The following SORCS2 variants were observed in gnomAD, a reference collection of about 807,000 sequenced individuals.
SORCS2 encodes VPS10 domain-containing receptor SorCS2.
SORCS2 carries 100 observed loss-of-function variants against 141.6 expected under a neutral mutation model. That is an observed-to-expected ratio of 0.71 (90% CI 0.60 to 0.83). The LOEUF (loss-of-function observed/expected upper bound fraction) is 0.83. SORCS2 is among the 40% of genes least tolerant of loss of function. The probability of loss-of-function intolerance (pLI) is 0.00; values close to 1 mark genes in which losing one functional copy is unlikely to be tolerated. For synonymous variants in SORCS2, 789 were observed against 676.9 expected, an observed-to-expected ratio of 1.17 and a Z score of -2.57; for missense variants, 1,646 against 1,560.2, an observed-to-expected ratio of 1.05 and a Z score of -0.93.
chr4:7,692,161 A>C (rs1724299169), intron 11 of SORCS2, among the ~76,000 whole-genome samples: 1 of 152,210 alleles, frequency 6.6e-6, no homozygotes. Flanking sequence ...TGCTGGGAGC[A>C]GGAGGAAAAG....
rs918137103 is a variant in SORCS2 at position 7,365,954 on chromosome 4, C to T, written c.481-30334C>T. 8.5e-5 allele frequency among the ~76,000 whole-genome samples: 13 copies of T among 152,206 alleles called. No individual in the cohort carries two copies. The South Asian group carries it at 1.2e-3, about 15-fold the overall frequency. ...GAAAACAAAACAGCACCCAGCAAAA[C>T]GAGCCCGGGAAGACAGTCAGTATGG... On this transcript the variant is annotated intron_variant, in intron 1 of 26. Transcript: ENST00000507866.
intron 1 of SORCS2, among the ~76,000 whole-genome samples, chr4:7,329,488 G>A (rs901960290): frequency 6.6e-6 from 1 of 152,202 alleles, no homozygotes; most frequent in East Asian, 1.9e-4. Flanking sequence ...GATGCTGGAC[G>A]TGGCCCCTAC....
intron 9 of SORCS2, among the ~76,000 whole-genome samples, chr4:7,680,850 T>G (rs965664443): frequency 6.6e-6 from 1 of 152,094 alleles, no homozygotes; most frequent in African/African-American, 2.4e-5. Context: ...GAGGGTAACC[T>G]AAACAAGCCA....
intron 2 of SORCS2, among the ~76,000 whole-genome samples, chr4:7,403,225 G>A (rs1026358430): frequency 7.2e-5 from 11 of 152,124 alleles, no homozygotes. Context: ...GGTTACTTTG[G>A]CCAAGGCTTG....
intron 1 of SORCS2, among the ~76,000 whole-genome samples, chr4:7,338,808 G>T (rs1720184908): frequency 6.6e-6 from 1 of 152,320 alleles, no homozygotes; most frequent in Admixed American, 6.5e-5. Flanking sequence ...TTCCATAATT[G>T]TTATAATTCC....
chr4:7,383,586 C>T (rs1304773924), intron 1 of SORCS2, among the ~76,000 whole-genome samples: 4 of 152,164 alleles, frequency 2.6e-5, no homozygotes, highest in South Asian at 4.1e-4. Context: ...ACCCACCTCC[C>T]GGAGATACCC....
chr4:7,521,268 A>C lies in SORCS2; in HGVS notation c.549-10262A>C, dbSNP rs1299072007. Among the ~76,000 whole-genome samples the C allele has an allele frequency of 3.3e-5, 5 of 152,098 alleles. No homozygotes were observed. The East Asian group carries it at 9.6e-4, about 29-fold the overall frequency. ...CTGTATCTCTGTGGGTCGTGGGTTC[A>C]GATCCTGCTGCCTTCGCTGCTGCGT... is the stretch of plus-strand genomic sequence containing the variant. On this transcript the variant is annotated intron_variant, in intron 2 of 26. Transcript: ENST00000507866.
At chr4:7,267,067 C>T (rs1714785921) in intron 1 of SORCS2, among the ~76,000 whole-genome samples, 1 of 152,040 alleles carries the variant, frequency 6.6e-6, no homozygotes, top group African/African-American at 2.4e-5. Context: ...CGCTGCAGCC[C>T]CCACAAAGCA....
At chr4:7,704,863 C>G (rs115086231) in intron 14 of SORCS2, among the ~76,000 whole-genome samples, 2 of 152,172 alleles carry the variant, frequency 1.3e-5, no homozygotes, top group South Asian at 2.1e-4. Context: ...TGGGTGCCCT[C>G]GAACATGGGC....
intron 17 of SORCS2, 25 bp from the exon 18 acceptor site, chr4:7,717,987 C>A: frequency 6.3e-7 from 1 of 1,581,862 alleles, no homozygotes; most frequent in Non-Finnish European, 8.6e-7. Flanking sequence ...CTGAAGCGGA[C>A]CCTGACCCTC....
At chr4:7,512,879 C>A (rs1732750104) in intron 2 of SORCS2, among the ~76,000 whole-genome samples, 1 of 152,206 alleles carries the variant, frequency 6.6e-6, no homozygotes, top group Non-Finnish European at 1.5e-5. Context: ...CCCAGGCTGC[C>A]CTGCGGGCCC....
chr4:7,712,990 C>T lies in SORCS2; in HGVS notation c.1989+137C>T, dbSNP rs57742105. ...CAAGAAGTCTTCAGGGAATCCCCAG[C>T]GCCTTGAGATGTCCAGGCCTCCTGT... On this transcript the variant is annotated intron_variant, in intron 15 of 26. Coordinates refer to ENST00000507866, the MANE Select transcript of SORCS2 (RefSeq NM_020777.3). 3,815 of 1,318,584 alleles carry T rather than the reference C, an allele frequency of 2.9e-3. 78 individuals are homozygous for T. In the Admixed American group the frequency reaches 0.042, roughly 15 times the overall value. 81.7% of individuals were successfully genotyped at this position (1,318,584 alleles called of 1,614,324 possible).
intron 2 of SORCS2, among the ~76,000 whole-genome samples, chr4:7,401,202 TATGGATGGATGGGTGGGTGG>T (rs1309583972): frequency 7.9e-6 from 1 of 127,378 alleles, no homozygotes; most frequent in African/African-American, 3.0e-5. Context: ...TAGATGGATA[TATGGATGGATGGGTGGGTGG>T]ATGGATGGAT....
At chr4:7,534,767 C>T (rs1277921987) in intron 3 of SORCS2, among the ~76,000 whole-genome samples, 1 of 152,246 alleles carries the variant, frequency 6.6e-6, no homozygotes, top group Non-Finnish European at 1.5e-5. Flanking sequence ...CTGGAGCCTC[C>T]AGAGGAACCA....
At position 7,690,855 on chromosome 4, in the gene SORCS2, G is replaced by A. The variant is rs1724199937; in HGVS notation, c.1591+1267G>A. Among the ~76,000 whole-genome samples the A allele has an allele frequency of 2.6e-5, 4 of 152,316 alleles. 1 individual carries two copies. The South Asian group carries it at 8.3e-4, about 32-fold the overall frequency. On this transcript the variant is annotated intron_variant, in intron 11 of 26. Transcript: ENST00000507866. ...TAAAAAACCCAAAATTATAATTTTTGTGTTTGTCTCTTCCACTAAACTAGA... is the reference window on the plus strand; with the variant it reads ...TAAAAAACCCAAAATTATAATTTTTATGTTTGTCTCTTCCACTAAACTAGA...
At chr4:7,282,965 ATTCAT>A (rs768425102) in intron 1 of SORCS2, among the ~76,000 whole-genome samples, 6 of 152,334 alleles carry the variant, frequency 3.9e-5, no homozygotes, top group Middle Eastern at 3.4e-3. Context: ...TCATTAATTC[ATTCAT>A]TCACTCATTC....
intron 2 of SORCS2, among the ~76,000 whole-genome samples, chr4:7,441,602 C>G (rs1450161182): frequency 6.6e-6 from 1 of 151,898 alleles, no homozygotes; most frequent in Non-Finnish European, 1.5e-5. Context: ...AGCTACCCAG[C>G]CCAGATCATC....
At chr4:7,281,247 G>C (rs867985240) in intron 1 of SORCS2, among the ~76,000 whole-genome samples, 6 of 152,084 alleles carry the variant, frequency 3.9e-5, no homozygotes, top group Admixed American at 6.5e-5. Flanking sequence ...TTGAGAAGAG[G>C]CTGCTGTTTC....
At chr4:7,314,800 GTTTTTTTTTTTTTTTT>G (rs397880294) in intron 1 of SORCS2, among the ~76,000 whole-genome samples, 4 of 109,826 alleles carry the variant, frequency 3.6e-5, no homozygotes, top group Admixed American at 9.4e-5. Context: ...CCACTGTTCT[GTTTTTTTTTTTTTTTT>G]TTTTTTTTTT....
Sources: allele counts gnomAD v4.1 joint callset (sites outside exome capture counted in the v4.1 genomes callset), GRCh38; gene constraint gnomAD v4.1.1; transcripts MANE v1.5; gene names NCBI Gene and HGNC (gene_info 2026-07-23, HGNC 2026-07-21).